PCDHA6: variants seen among roughly 807,000 people sequenced by gnomAD.
PCDHA6 encodes the protein protocadherin alpha 6.
In PCDHA6, 55 loss-of-function variants were observed where a neutral mutation model predicts 60.3. The observed-to-expected ratio is 0.91, with a 90% CI of 0.73 to 1.14. The LOEUF is 1.14. Among genes scored for constraint, PCDHA6 ranks in the 50% most tolerant of loss-of-function variants. PCDHA6 has a pLI of 0.00. For missense variants in PCDHA6, 1,327 were observed against 1,256.5 expected (o/e 1.06, Z -0.85); for synonymous variants, 652 against 557.9 (o/e 1.17, Z -2.38).
intron 1 of PCDHA6, chr5:140,853,828 C>T: frequency 2.0e-6 from 2 of 986,484 alleles, no homozygotes; most frequent in South Asian, 9.5e-5. Flanking sequence ...TCTCATACAA[C>T]CGAAATTTTA....
At chr5:140,985,167 G>C (rs905296036) in intron 3 of PCDHA6, among the ~76,000 whole-genome samples, 2 of 152,176 alleles carry the variant, frequency 1.3e-5, no homozygotes, top group Admixed American at 1.3e-4. Context: ...TCAATCTCCT[G>C]ACCTCGTAAT....
intron 1 of PCDHA6, chr5:140,862,291 C>A (rs1029513176): frequency 7.5e-6 from 2 of 265,238 alleles, no homozygotes; most frequent in Admixed American, 4.8e-5. Flanking sequence ...TACAGGAGGA[C>A]GCTCCACTGG....
rs187442653 is a variant in PCDHA6 at position 140,926,080 on chromosome 5, C to T, written c.2395-52869C>T. ...TCCCCTCCTTGTCGTCTCTATTGCC[C>T]TCTTGGCAGCTCCTGGGATACAAGA... On this transcript the variant is annotated intron_variant, in intron 1 of 3. Transcript: ENST00000529310. Among the ~76,000 whole-genome samples, 179 of 152,334 alleles carry T rather than the reference C, an allele frequency of 1.2e-3. 1 individual carries two copies. Among genetic ancestry groups the T allele is most frequent in the African/African-American group, 3.9e-3 (162 of 41,574 alleles).
intron 1 of PCDHA6, among the ~76,000 whole-genome samples, chr5:140,953,746 A>G (rs2094931124): frequency 6.6e-6 from 1 of 152,016 alleles, no homozygotes; most frequent in African/African-American, 2.4e-5. Context: ...TTAACATTAC[A>G]TTTATCCAAG....
rs2150155146 is a variant in PCDHA6, at chr5:140,828,421, G to A, written c.330G>A (p.Val110=). The A allele has an allele frequency of 1.8e-5, 29 of 1,614,142 alleles. No individual in the cohort carries two copies. Among genetic ancestry groups the A allele is most frequent in the East Asian group, 1.1e-4 (5 of 44,904 alleles). The stretch of plus-strand genomic sequence containing the variant: ...GCAGCATCCACCTGGAGGTGATCGT[G>A]GACAGGCCGCTGCAGGTTTTCCATG... ...AECSIHLEVI[V]DRPLQVFHVD... Residue 110 remains valine (V), a synonymous_variant, in exon 1 of 4, where the codon GTG becomes GTA. Coordinates refer to ENST00000529310, the MANE Select transcript of PCDHA6 (RefSeq NM_018909.4).
At chr5:140,914,059 G>A (rs2076582448) in intron 1 of PCDHA6, among the ~76,000 whole-genome samples, 1 of 152,202 alleles carries the variant, frequency 6.6e-6, no homozygotes, top group African/African-American at 2.4e-5. Flanking sequence ...GCTGTTGGAT[G>A]AAATGCTCCA....
At chr5:140,926,961 G>A in intron 1 of PCDHA6, 1 of 1,604,688 alleles carries the variant, frequency 6.2e-7, no homozygotes, top group Non-Finnish European at 8.5e-7. Context: ...GACAGCTCGA[G>A]TACTCAGTGC....
intron 1 of PCDHA6, among the ~76,000 whole-genome samples, chr5:140,891,611 T>G (rs1457156522): frequency 6.6e-6 from 1 of 152,226 alleles, no homozygotes; most frequent in East Asian, 1.9e-4. Context: ...TTTCTACCTT[T>G]TATTTTAACA....
At chr5:140,838,077 A>ATATAGTGTGTGT (rs1203070308) in intron 1 of PCDHA6, among the ~76,000 whole-genome samples, 2 of 80,700 alleles carry the variant, frequency 2.5e-5, no homozygotes, top group Admixed American at 2.3e-4. Context: ...ATATATATAT[A>ATATAGTGTGTGT]GTGTGTGTGT....
intron 1 of PCDHA6, chr5:140,881,920 T>G (rs1205220705): frequency 1.2e-5 from 3 of 257,650 alleles, no homozygotes; most frequent in African/African-American, 6.6e-5. Flanking sequence ...TTGAGCAGAA[T>G]GCAGTGATTT....
rs1298083559 is a variant in PCDHA6, at chr5:140,858,734, T to C, written c.2394+28249T>C. ...ATAGGTTGCAGTTCTGACGATTTAC[T>C]TTCATAATCACTTTTCGTTACAAAT... On this transcript the variant is annotated intron_variant, in intron 1 of 3. Coordinates refer to ENST00000529310, the MANE Select transcript of PCDHA6 (RefSeq NM_018909.4). The C allele has an allele frequency of 1.7e-5, 8 of 476,746 alleles. 1 individual carries two copies. Among genetic ancestry groups the C allele is most frequent in the East Asian group, 3.2e-5 (1 of 30,834 alleles). 29.5% of individuals were successfully genotyped at this position (476,746 alleles called of 1,614,324 possible).
chr5:141,008,147 G>A (rs782783615), intron 3 of PCDHA6, among the ~76,000 whole-genome samples: 9 of 152,114 alleles, frequency 5.9e-5, no homozygotes, highest in Non-Finnish European at 1.3e-4. Context: ...CTGCTGAGAG[G>A]TTTGATAAGA....
At chr5:141,000,608 A>G (rs1554257700) in intron 3 of PCDHA6, among the ~76,000 whole-genome samples, 2 of 150,664 alleles carry the variant, frequency 1.3e-5, no homozygotes, top group African/African-American at 4.9e-5. Context: ...TTGTATTTTT[A>G]GTAGAGACAG....
chr5:140,856,238 C>T lies in PCDHA6; in HGVS notation c.2394+25753C>T, dbSNP rs1250461159. On this transcript the variant is annotated intron_variant, in intron 1 of 3. Transcript: ENST00000529310. ...GGCGGAGCTGGTGCAGCGCCTGTTC[C>T]GGGTGGCGTCCAAAAGACACGGGGA... The T allele has an allele frequency of 5.6e-6, 9 of 1,597,934 alleles. 1 individual carries two copies. Among genetic ancestry groups the T allele is most frequent in the Non-Finnish European group, 7.7e-6 (9 of 1,167,850 alleles).
At chr5:140,877,862 A>T (rs1554170193) in intron 1 of PCDHA6, 1 of 1,505,068 alleles carries the variant, frequency 6.6e-7, no homozygotes, top group East Asian at 2.4e-5. Flanking sequence ...TATTATTTAG[A>T]TATATTTGTT....
intron 1 of PCDHA6, chr5:140,884,300 G>C (rs2060088357): frequency 6.2e-7 from 1 of 1,613,712 alleles, no homozygotes; most frequent in Non-Finnish European, 8.5e-7. Context: ...AGCGCCACAG[G>C]CTTCGTCGAG....
At chr5:140,960,903 G>C (rs560284839) in intron 1 of PCDHA6, among the ~76,000 whole-genome samples, 3 of 152,308 alleles carry the variant, frequency 2.0e-5, no homozygotes, top group African/African-American at 7.2e-5. Context: ...GGCATATCTT[G>C]AGTTTCAGAT....
At chr5:140,914,964 T>A (rs1328203928) in intron 1 of PCDHA6, among the ~76,000 whole-genome samples, 18 of 131,662 alleles carry the variant, frequency 1.4e-4, no homozygotes, top group Non-Finnish European at 3.0e-4. Context: ...TTTTTTTTTC[T>A]GAGTCAGAGT....
rs151299460 is a variant in PCDHA6, at chr5:140,849,914, C to T, written c.2394+19429C>T. On this transcript the variant is annotated intron_variant, in intron 1 of 3. Coordinates refer to ENST00000529310, the MANE Select transcript of PCDHA6 (RefSeq NM_018909.4). ...AGGAGAACAACCCGCCGGGCTGCCA[C>T]ATCTTCACGGTGTCTGCGCGGGACG... is the stretch of plus-strand genomic sequence containing the variant. 4.8e-4 allele frequency: 771 copies of T among 1,598,354 alleles called. 44 individuals are homozygous for T. The African/African-American group carries it at 9.1e-3, about 19-fold the overall frequency.
Sources: allele counts gnomAD v4.1 joint callset (sites outside exome capture counted in the v4.1 genomes callset), GRCh38; gene constraint gnomAD v4.1.1; transcripts MANE v1.5; gene names NCBI Gene and HGNC (gene_info 2026-07-23, HGNC 2026-07-21).